Variants in ZFHX3 observed in about 807,000 individuals in gnomAD.
ZFHX3 encodes the protein zinc finger homeobox 3, also known as zinc finger homeobox protein 3.
A neutral mutation model predicts 279.1 loss-of-function variants in ZFHX3; 42 were observed. The ratio of observed to expected loss-of-function variants is 0.15; its 90% confidence interval spans 0.12 to 0.19. The LOEUF (loss-of-function observed/expected upper bound fraction) is 0.19, where lower values mean the gene tolerates loss of function less well. Among genes scored for constraint, ZFHX3 ranks in the 10% least tolerant of loss-of-function variants. The pLI is 1.00. For synonymous variants in ZFHX3, 2,293 were observed against 1,957.8 expected (o/e 1.17, Z -4.52); for missense variants, 4,981 against 4,754.0 (o/e 1.05, Z -1.40).
At chr16:73,099,378 CAGTT>C (rs1340571605) in intron 7 of ZFHX3, 5 of 152,172 alleles carry the variant, frequency 3.3e-5, no homozygotes, top group African/African-American at 9.6e-5. Flanking sequence ...TCACACCAGA[CAGTT>C]AGGTTCTTAC....
At chr16:72,948,877 ATTTAAACTGACTGCAAAGG>A (rs1170528756) in intron 3 of ZFHX3, among the ~76,000 whole-genome samples, 3 of 152,128 alleles carry the variant, frequency 2.0e-5, no homozygotes, top group African/African-American at 7.2e-5. Context: ...CAGACCTCCA[ATTTAAACTGACTGCAAAGG>A]GCTTTTTTCT....
At chr16:73,048,187 G>C (rs1374482517), upstream of ZFHX3, 2 of 152,730 alleles carry the variant, frequency 1.3e-5, no homozygotes, top group Non-Finnish European at 2.9e-5. Context: ...GGGCGGGGCG[G>C]GGGGCCTTCG....
intron 1 of ZFHX3, among the ~76,000 whole-genome samples, chr16:73,854,697 G>A (rs1961675233): frequency 8.6e-6 from 1 of 116,000 alleles, no homozygotes; most frequent in African/African-American, 3.5e-5. Flanking sequence ...TGGAGGTGAT[G>A]CGATAAAGAA....
chr16:73,753,518 A>T (rs926794358), intron 1 of ZFHX3, among the ~76,000 whole-genome samples: 5 of 152,210 alleles, frequency 3.3e-5, no homozygotes, highest in African/African-American at 9.7e-5. Flanking sequence ...CATGTAATTA[A>T]AAGTGGGTTT....
At chr16:73,607,564 T>C (rs1381852847) in intron 2 of ZFHX3, among the ~76,000 whole-genome samples, 1 of 152,182 alleles carries the variant, frequency 6.6e-6, no homozygotes, top group African/African-American at 2.4e-5. Context: ...TCCCTAATTA[T>C]CCAACATGAT....
chr16:73,337,798 T>A (rs2015942614), intron 3 of ZFHX3, among the ~76,000 whole-genome samples: 1 of 150,774 alleles, frequency 6.6e-6, no homozygotes, highest in Admixed American at 6.6e-5. Context: ...TCTAAAATGC[T>A]CTTTTAGAAG....
intron 1 of ZFHX3, among the ~76,000 whole-genome samples, chr16:73,749,031 G>A (rs923695722): frequency 5.9e-5 from 9 of 151,748 alleles, no homozygotes; most frequent in Admixed American, 2.6e-4. Context: ...CAGGAGATCC[G>A]CCCACCTCAA....
chr16:72,939,272 CCA>C (rs1391929844), intron 3 of ZFHX3, among the ~76,000 whole-genome samples: 1 of 152,270 alleles, frequency 6.6e-6, no homozygotes, highest in East Asian at 1.9e-4. Context: ...AGAGTACCCT[CCA>C]CAGAGCAAAA....
intron 1 of ZFHX3, among the ~76,000 whole-genome samples, chr16:73,703,536 A>G (rs1313568588): frequency 6.6e-6 from 1 of 152,138 alleles, no homozygotes; most frequent in African/African-American, 2.4e-5. Flanking sequence ...TTATAGGATG[A>G]AGGTCTATAA....
intron 1 of ZFHX3, chr16:73,015,661 GT>G (rs1320150143): frequency 5.3e-5 from 8 of 152,368 alleles, no homozygotes; most frequent in African/African-American, 1.9e-4. Context: ...AAGCCTCGCT[GT>G]GATGCCAGGC....
chr16:73,097,014 ATCTCT>A lies in ZFHX3; in HGVS notation c.-896-3421_-896-3417del, dbSNP rs771252994. On this transcript the variant is annotated intron_variant, in intron 7 of 17. Coordinates refer to the ZFHX3 transcript ENST00000641206. ...ATATTTTTTCTTTGCATCTCATCTC[ATCTCT>A]TCTCTTCTCTTTCTCTGTCTCTCTC... is the stretch of plus-strand genomic sequence containing the variant. Among the ~76,000 whole-genome samples the A allele has an allele frequency of 4.2e-4, 63 of 151,710 alleles. No individual in the cohort carries two copies. The Middle Eastern group carries it at 0.01, about 25-fold the overall frequency.
At chr16:73,606,099 G>T (rs565421060) in intron 2 of ZFHX3, among the ~76,000 whole-genome samples, 5 of 146,116 alleles carry the variant, frequency 3.4e-5, no homozygotes, top group Non-Finnish European at 6.0e-5. Context: ...GGAGAACGGC[G>T]TGAACCCGGG....
intron 4 of ZFHX3, among the ~76,000 whole-genome samples, chr16:73,309,362 G>C (rs1006107317): frequency 6.6e-6 from 1 of 152,130 alleles, no homozygotes; most frequent in African/African-American, 2.4e-5. Flanking sequence ...AGTTTTCTAA[G>C]GATGATGGCC....
At chr16:73,047,196 ACTCT>A (rs1249590177) in intron 1 of ZFHX3, among the ~76,000 whole-genome samples, 3 of 152,078 alleles carry the variant, frequency 2.0e-5, no homozygotes, top group African/African-American at 7.2e-5. Context: ...AAAAATCTTG[ACTCT>A]CTCCTTTGCA....
chr16:73,067,917 C>A lies in ZFHX3; in HGVS notation c.-532-8905G>T, dbSNP rs559135249. Reference sequence around the variant, plus strand: ...CCCACCACCAAATGATGGTAAGGTTCAATTTAGCACCCCTAAAAAGTATAT... The same window carrying A: ...CCCACCACCAAATGATGGTAAGGTTAAATTTAGCACCCCTAAAAAGTATAT... On this transcript the variant is annotated intron_variant, in intron 8 of 17. Transcript: ENST00000641206. Among the ~76,000 whole-genome samples the A allele has an allele frequency of 9.3e-4, 142 of 152,182 alleles. 2 individuals carry two copies. The highest frequency in any genetic ancestry group is 3.3e-3 in the African/African-American group (137 of 41,514).
chr16:73,226,648 C>A (rs2012601607), intron 5 of ZFHX3, among the ~76,000 whole-genome samples: 1 of 152,216 alleles, frequency 6.6e-6, no homozygotes, highest in African/African-American at 2.4e-5. Flanking sequence ...AGTTATGGAT[C>A]AGTGTTCTTA....
intron 9 of ZFHX3, among the ~76,000 whole-genome samples, chr16:72,792,419 C>T (rs1219898342): frequency 6.6e-6 from 1 of 152,040 alleles, no homozygotes; most frequent in African/African-American, 2.4e-5. Flanking sequence ...AAGAGAACCC[C>T]AACATTAAGG....
intron 1 of ZFHX3, among the ~76,000 whole-genome samples, chr16:73,739,199 A>G (rs16972433): frequency 0.037 from 5,562 of 152,274 alleles, 339 homozygotes; most frequent in African/African-American, 0.13. Flanking sequence ...TGCTTTCCTG[A>G]CTAGGCTCTG....
At chr16:73,392,901 C>G (rs1381915214) in intron 3 of ZFHX3, among the ~76,000 whole-genome samples, 4 of 152,196 alleles carry the variant, frequency 2.6e-5, no homozygotes, top group Non-Finnish European at 5.9e-5. Context: ...GTGGCCTGAT[C>G]TCTGCTCAAT....
Sources: gnomAD v4.1 joint callset for allele counts (sites outside exome capture counted in the v4.1 genomes callset) on GRCh38, gnomAD v4.1.1 for gene constraint, MANE v1.5 for transcripts, NCBI Gene and HGNC (gene_info 2026-07-23, HGNC 2026-07-21) for gene names.